The following RASEF variants were observed in gnomAD, a reference collection of about 807,000 sequenced individuals.
RASEF encodes ras and EF-hand domain-containing protein.
Under a neutral mutation model 90.1 loss-of-function variants are expected in RASEF, and 68 were observed. The ratio of observed to expected loss-of-function variants is 0.75; its 90% CI spans 0.62 to 0.92. The LOEUF is 0.92. Ranked by LOEUF, RASEF falls within the 40% of genes least tolerant of loss-of-function variation. The pLI is 0.00. For synonymous variants in RASEF, 331 were observed against 345.2 expected (o/e 0.96, Z 0.46); for missense variants, 949 against 937.2 (o/e 1.01, Z -0.16).
At chr9:83,199,335 T>C in the RASEF span, among the ~76,000 whole-genome samples, 15,084 of 151,762 alleles carry the variant, frequency 0.099, 963 homozygotes, top group East Asian at 0.18. Flanking sequence ...TTAAGTATTT[T>C]TTACAAAAGA....
chr9:83,158,724 A>G, the RASEF span, among the ~76,000 whole-genome samples: 4 of 149,276 alleles, frequency 2.7e-5, no homozygotes, highest in African/African-American at 7.3e-5. Flanking sequence ...ACATATATGT[A>G]TATATTTATG....
chr9:83,065,319 G>T (rs572374209), upstream of RASEF, among the ~76,000 whole-genome samples: 1 of 152,138 alleles, frequency 6.6e-6, no homozygotes, highest in Non-Finnish European at 1.5e-5. Context: ...GATCTCTCAG[G>T]TGGTTTTCTT....
At chr9:83,094,060 G>A in the RASEF span, among the ~76,000 whole-genome samples, 1 of 152,104 alleles carries the variant, frequency 6.6e-6, no homozygotes, top group Non-Finnish European at 1.5e-5. Flanking sequence ...AGAAGATAAT[G>A]TGCAACATTT....
the RASEF span, among the ~76,000 whole-genome samples, chr9:83,124,469 C>A: frequency 6.6e-6 from 1 of 152,192 alleles, no homozygotes; most frequent in Non-Finnish European, 1.5e-5. Flanking sequence ...TCTGTGAAGG[C>A]TATAGCTGTT....
the RASEF span, among the ~76,000 whole-genome samples, chr9:83,109,188 ATTT>A: frequency 6.6e-6 from 1 of 152,228 alleles, no homozygotes; most frequent in African/African-American, 2.4e-5. Flanking sequence ...CTATGCATCT[ATTT>A]AGCCCCCGTG....
chr9:82,986,486 G>C (rs1438649484), intron 16 of RASEF, among the ~76,000 whole-genome samples: 1 of 152,212 alleles, frequency 6.6e-6, no homozygotes, highest in Non-Finnish European at 1.5e-5. Flanking sequence ...AGACATTATT[G>C]AACCTGAAAG....
chr9:83,124,885 A>G, the RASEF span, among the ~76,000 whole-genome samples: 1 of 151,844 alleles, frequency 6.6e-6, no homozygotes, highest in African/African-American at 2.4e-5. Context: ...GGGTAGTTAG[A>G]AAAAACCCCA....
chr9:83,186,806 A>G, the RASEF span, among the ~76,000 whole-genome samples: 3 of 152,144 alleles, frequency 2.0e-5, no homozygotes, highest in Admixed American at 6.5e-5. Context: ...TAAATAGAAT[A>G]TATGTATATA....
At chr9:83,093,870 A>C in the RASEF span, among the ~76,000 whole-genome samples, 2 of 152,258 alleles carry the variant, frequency 1.3e-5, no homozygotes, top group Admixed American at 6.5e-5. Flanking sequence ...GTCACCTCTC[A>C]GTATGAGATA....
rs1828639767 is a variant in RASEF, at chr9:82,982,861, C to T, written c.2118-79G>A. The T allele has an allele frequency of 6.0e-6, 5 of 830,316 alleles. No individual in the cohort carries two copies. The South Asian group carries it at 6.8e-5, about 11-fold the overall frequency. The allele number at this position is 830,316 out of a possible 1,614,324, so 51.4% of individuals were successfully genotyped here. ...TTACTGAGGTATAAAAACTAAGCCACAGATGGTTCTGTAGAAATAAAAATA... is the reference window on the plus strand; with the variant it reads ...TTACTGAGGTATAAAAACTAAGCCATAGATGGTTCTGTAGAAATAAAAATA... On this transcript the variant is annotated intron_variant, in intron 16 of 16. Coordinates refer to ENST00000376447, the MANE Select transcript of RASEF (RefSeq NM_152573.4).
intron 1 of RASEF, among the ~76,000 whole-genome samples, chr9:83,043,401 G>C (rs570961682): frequency 3.9e-4 from 60 of 151,980 alleles, no homozygotes; most frequent in Admixed American, 1.4e-3. Flanking sequence ...AGTGATTGGG[G>C]GGGGGGACCC....
the RASEF span, among the ~76,000 whole-genome samples, chr9:83,073,958 A>G: frequency 6.6e-6 from 1 of 152,216 alleles, no homozygotes; most frequent in Non-Finnish European, 1.5e-5. Context: ...CTTCACATAC[A>G]ATTATTTCTT....
At chr9:83,184,915 C>T in the RASEF span, among the ~76,000 whole-genome samples, 177 of 152,260 alleles carry the variant, frequency 1.2e-3, 1 homozygote, top group African/African-American at 4.1e-3. Flanking sequence ...GGCACACAGG[C>T]AGTTCCGGAA....
At chr9:83,135,745 T>G in the RASEF span, among the ~76,000 whole-genome samples, 1 of 152,270 alleles carries the variant, frequency 6.6e-6, no homozygotes, top group Non-Finnish European at 1.5e-5. Context: ...CTAAGCCCCA[T>G]GCTCTGTATG....
intron 5 of RASEF, among the ~76,000 whole-genome samples, chr9:83,011,492 C>A (rs1829242209): frequency 8.2e-6 from 1 of 122,048 alleles, no homozygotes; most frequent in Non-Finnish European, 1.6e-5. Flanking sequence ...ATGGAGGTTG[C>A]AGTGAGCCAA....
chr9:83,174,384 T>C, the RASEF span, among the ~76,000 whole-genome samples: 2 of 152,090 alleles, frequency 1.3e-5, no homozygotes, highest in Non-Finnish European at 2.9e-5. Flanking sequence ...CCAGTTGTCA[T>C]AGTGTCATTT....
rs546422952 is a variant in RASEF at position 83,060,838 on chromosome 9, C to A, written c.431+1599G>T. ...AGGACACAAGTCTACCAGGTGACAC[C>A]GGTGCCCATTAAATGTAGTAATCTC... On this transcript the variant is annotated intron_variant, in intron 1 of 16. Transcript: ENST00000376447. Among the ~76,000 whole-genome samples the A allele has an allele frequency of 1.5e-4, 23 of 152,164 alleles. No homozygotes were observed. In the South Asian group the frequency reaches 3.7e-3, roughly 25 times the overall value.
At chr9:83,066,847 G>A (rs186216049), upstream of RASEF, among the ~76,000 whole-genome samples, 517 of 152,244 alleles carry the variant, frequency 3.4e-3, 3 homozygotes, top group African/African-American at 0.011. Flanking sequence ...ATTTGACTAT[G>A]GTAACTTTGA....
At chr9:83,081,050 C>A in the RASEF span, among the ~76,000 whole-genome samples, 5 of 152,082 alleles carry the variant, frequency 3.3e-5, no homozygotes, top group African/African-American at 1.2e-4. Flanking sequence ...GCCCCTAAGA[C>A]CTTTCCTGTA....
Sources: allele counts gnomAD v4.1 joint callset (sites outside exome capture counted in the v4.1 genomes callset), GRCh38; gene constraint gnomAD v4.1.1; transcripts MANE v1.5; gene names NCBI Gene and HGNC (gene_info 2026-07-23, HGNC 2026-07-21).